The following HPS4 variants were observed in gnomAD, a reference collection of about 807,000 sequenced individuals.
The protein encoded by HPS4 is BLOC-3 complex member HPS4.
HPS4 carries 44 observed loss-of-function variants against 70.3 expected under a neutral mutation model. That is an observed-to-expected ratio of 0.63 (90% CI 0.49 to 0.80). HPS4 has a LOEUF of 0.80. HPS4 is among the 30% of genes least tolerant of loss of function. The pLI is 0.00. For synonymous variants in HPS4, 377 were observed against 355.9 expected (o/e 1.06, Z -0.67); for missense variants, 873 against 884.4 (o/e 0.99, Z 0.16).
chr22:26,475,350 T>C (rs1184054187), intron 4 of HPS4: 1 of 143,500 alleles, frequency 7.0e-6, no homozygotes. Context: ...TAAATTTCTT[T>C]TTTTTTTTTT....
intron 11 of HPS4, among the ~76,000 whole-genome samples, chr22:26,459,558 A>G (rs1439061548): frequency 1.3e-5 from 2 of 152,216 alleles, no homozygotes; most frequent in Non-Finnish European, 2.9e-5. Context: ...CAGGCCTGTC[A>G]TAATAGGCTT....
intron 11 of HPS4, among the ~76,000 whole-genome samples, chr22:26,462,535 G>C (rs2087515895): frequency 6.6e-6 from 1 of 152,238 alleles, no homozygotes; most frequent in Non-Finnish European, 1.5e-5. Flanking sequence ...TAAAACGAGA[G>C]ATGCGAAGTA....
At position 26,472,782 on chromosome 22, in the gene HPS4, G is replaced by A. The variant is rs189582573; in HGVS notation, c.384+50C>T. Reference sequence around the variant, plus strand: ...GTAAGTGCTGCATTCTGGCAATACCGGTTTTTATAAAGAGGCCCAATGTAA... The same window carrying A: ...GTAAGTGCTGCATTCTGGCAATACCAGTTTTTATAAAGAGGCCCAATGTAA... On this transcript the variant is annotated intron_variant, in intron 5 of 13. Coordinates refer to ENST00000398145, the MANE Select transcript of HPS4 (RefSeq NM_022081.6). 4.2e-4 allele frequency: 555 copies of A among 1,335,888 alleles called. 1 individual carries two copies. In the African/African-American group the frequency reaches 4.8e-3, roughly 12 times the overall value. The allele number at this position is 1,335,888 out of a possible 1,614,324, so 82.8% of individuals were successfully genotyped here.
At chr22:26,453,429 C>T (rs187997943) in intron 13 of HPS4, 25 bp from the exon 14 acceptor site, 77 of 1,612,380 alleles carry the variant, frequency 4.8e-5, no homozygotes, top group Admixed American at 2.0e-4. Flanking sequence ...AAGAAGGCAA[C>T]GGTCCAATGC....
chr22:26,452,764 G>T lies in HPS4; in HGVS notation c.*469C>A. ...AGAAACCTACCTGCGGCGTGGGAGT[G>T]GAGTCGGCCTGCTCACAGATCCGGC... On this transcript the variant is annotated 3_prime_UTR_variant, in exon 14 of 14. Transcript: ENST00000398145. The T allele has an allele frequency of 4.1e-6, 1 of 245,890 alleles. No homozygotes were observed. The highest frequency in any genetic ancestry group is 8.1e-6 in the Non-Finnish European group (1 of 124,068). 15.2% of individuals were successfully genotyped at this position (245,890 alleles called of 1,614,324 possible).
rs147782281 is a variant in HPS4 at position 26,459,304 on chromosome 22, G to A, written c.1714-727C>T. Among the ~76,000 whole-genome samples, 121 of 152,312 alleles carry A rather than the reference G, an allele frequency of 7.9e-4. 1 individual carries two copies. Among genetic ancestry groups the A allele is most frequent in the African/African-American group, 2.9e-3 (119 of 41,550 alleles). The stretch of plus-strand genomic sequence containing the variant: ...GTCAAGGAGATGGGTTCAAGTACCT[G>A]TATTTTTACAAACCTCCAAGGAGAT... On this transcript the variant is annotated intron_variant, in intron 11 of 13. Transcript: ENST00000398145.
Position 26,481,596 on chromosome 22 carries a change from G to A in HPS4, c.41+126C>T, listed in dbSNP as rs2091293663. 5.6e-6 allele frequency: 5 copies of A among 899,524 alleles called. No individual in the cohort carries two copies. In the Admixed American group the frequency reaches 5.7e-5, roughly 10 times the overall value. 55.7% of individuals were successfully genotyped at this position (899,524 alleles called of 1,614,324 possible). On this transcript the variant is annotated intron_variant, in intron 2 of 13. Coordinates refer to ENST00000398145, the MANE Select transcript of HPS4 (RefSeq NM_022081.6). ...CACGTGCTTGATTCAGCTGCTCTGA[G>A]GAAAATGGCATTTTTATTGTTATGT...
Position 26,472,861 on chromosome 22 carries a change from A to G in HPS4, c.355T>C (p.Tyr119His). The G allele has an allele frequency of 6.2e-7, 1 of 1,614,140 alleles. No homozygotes were observed. Among genetic ancestry groups the G allele is most frequent in the Non-Finnish European group, 8.5e-7 (1 of 1,179,934 alleles). The part of the protein sequence containing the change: ...LDQLVGFFNF[Y>H]NGPVSLAYEN... ...TAAGCTAGGGAAACAGGTCCATTGT[A>G]AAAATTAAAGAATCCAACTAGCTGA... The change falls in exon 5 of 14, where the codon TAC becomes CAC. Residue 119 changes from tyrosine to histidine, a missense_variant. Physicochemically the swap from Tyr to His is moderately conservative, Grantham distance 83. Coordinates refer to ENST00000398145, the MANE Select transcript of HPS4 (RefSeq NM_022081.6).
rs139675793 is a variant in HPS4, at chr22:26,457,926, G to A, written c.1888C>T (p.Leu630Phe). 1.1e-4 allele frequency: 178 copies of A among 1,614,038 alleles called. No individual in the cohort carries two copies. Among genetic ancestry groups the A allele is most frequent in the Non-Finnish European group, 1.4e-4 (169 of 1,180,050 alleles). The change falls in exon 13 of 14, where the codon CTC (leucine) becomes TTC (phenylalanine). Residue 630 changes from leucine to phenylalanine, a missense_variant. Transcript: ENST00000398145. ...CTATGCATCAGGCTGACGGCCTGGA[G>A]GAAGCGGCGATCCTGCGGGGTGGCC... Reference protein sequence around the residue: ...QVATPQDRRFLQAVSLMHSEF... With the variant: ...QVATPQDRRFFQAVSLMHSEF...
Position 26,453,155 on chromosome 22 carries a change from T to C in HPS4, c.*78A>G. Reference sequence around the variant, plus strand: ...GGGAATGTTTTCAAGAAAAATAAAATAGAGGGGCCTTTTCAATTATAAAAG... The same window carrying C: ...GGGAATGTTTTCAAGAAAAATAAAACAGAGGGGCCTTTTCAATTATAAAAG... On this transcript the variant is annotated 3_prime_UTR_variant, in exon 14 of 14. Coordinates refer to ENST00000398145, the MANE Select transcript of HPS4 (RefSeq NM_022081.6). 2 of 1,377,518 alleles carry C rather than the reference T, an allele frequency of 1.5e-6. No individual in the cohort carries two copies. Among genetic ancestry groups the C allele is most frequent in the Non-Finnish European group, 2.0e-6 (2 of 982,238 alleles). The allele number at this position is 1,377,518 out of a possible 1,614,324, so 85.3% of individuals were successfully genotyped here.
chr22:26,462,678 C>A (rs1441132080), intron 11 of HPS4, among the ~76,000 whole-genome samples: 1 of 152,214 alleles, frequency 6.6e-6, no homozygotes, highest in Non-Finnish European at 1.5e-5. Flanking sequence ...TTCAAAATGA[C>A]ACTTCCAAGG....
chr22:26,463,851 T>C (rs1192999833), intron 11 of HPS4, 66 bp downstream of exon 11: 9 of 1,526,202 alleles, frequency 5.9e-6, no homozygotes, highest in South Asian at 2.3e-5. Context: ...GGCACAGTGC[T>C]GTGAGGGAAG....
intron 11 of HPS4, among the ~76,000 whole-genome samples, chr22:26,463,643 T>C (rs550283211): frequency 7.6e-4 from 115 of 152,286 alleles, no homozygotes; most frequent in African/African-American, 2.6e-3. Context: ...AGGCCTGCGC[T>C]CTGCAAAACT....
At position 26,462,911 on chromosome 22, in the gene HPS4, T is replaced by C. The variant is rs148637172; in HGVS notation, c.1713+1006A>G. ...CTGACAGCTCCAGAGAGCATTCTCT[T>C]GCTAGGAGCTCTGTGCAAGGAAGCT... On this transcript the variant is annotated intron_variant, in intron 11 of 13. Transcript: ENST00000398145. 2.2e-3 allele frequency among the ~76,000 whole-genome samples: 332 copies of C among 152,354 alleles called. 1 individual carries two copies. The highest frequency in any genetic ancestry group is 7.2e-3 in the African/African-American group (301 of 41,588).
At chr22:26,462,862 T>C (rs910700527) in intron 11 of HPS4, among the ~76,000 whole-genome samples, 6 of 152,148 alleles carry the variant, frequency 3.9e-5, no homozygotes, top group African/African-American at 1.4e-4. Flanking sequence ...TGATCCAGCG[T>C]CTGTGGAAAG....
At chr22:26,444,447 T>G (rs1442353173) in exon 4 of HPS4, 1 of 152,194 alleles carries the variant, frequency 6.6e-6, no homozygotes, top group Non-Finnish European at 1.5e-5. Flanking sequence ...GAAGAACATG[T>G]GGATCTCTTC....
In HPS4 at chr22:26,465,135, G is replaced by GTT. The variant is rs570042000; in HGVS notation, c.804-310_804-309insAA. Among the ~76,000 whole-genome samples, 19 of 152,326 alleles carry GTT rather than the reference G, an allele frequency of 1.2e-4. No homozygotes were observed. The South Asian group carries it at 3.9e-3, about 32-fold the overall frequency. ...GGTGCTGTACCTATACTATTTTCAA[G>GTT]TGTCACAATGAACTCATGAAAGGGA... On this transcript the variant is annotated intron_variant, in intron 10 of 13. Coordinates refer to ENST00000398145, the MANE Select transcript of HPS4 (RefSeq NM_022081.6).
chr22:26,464,739 G>A lies in HPS4; in HGVS notation c.891C>T (p.Ala297=). ...GGSTSALKEN[A]TGHVESMAWT... is the part of the protein sequence containing the mutation. ...AGGCCATGGATTCCACATGGCCAGT[G>A]GCGTTTTCTTTCAGGGCAGATGTGC... Residue 297 remains alanine, a synonymous_variant, in exon 11 of 14, where the codon GCC becomes GCT. Transcript: ENST00000398145. 6.3e-7 allele frequency: 1 copy of A among 1,592,402 alleles called. No homozygotes were observed. Among genetic ancestry groups the A allele is most frequent in the Non-Finnish European group, 8.6e-7 (1 of 1,168,038 alleles).
intron 9 of HPS4, 178 bp downstream of exon 9, chr22:26,466,048 T>C: frequency 1.3e-6 from 2 of 1,540,134 alleles, no homozygotes; most frequent in Non-Finnish European, 1.7e-6. Flanking sequence ...ATCATAGCTT[T>C]ACCATTAGGG....
Sources: allele counts gnomAD v4.1 joint callset (sites outside exome capture counted in the v4.1 genomes callset), GRCh38; gene constraint gnomAD v4.1.1; transcripts MANE v1.5; gene names NCBI Gene and HGNC (gene_info 2026-07-23, HGNC 2026-07-21).